STAG1: variants seen among roughly 807,000 people sequenced by gnomAD.
STAG1 encodes cohesin subunit SA-1.
A neutral mutation model predicts 170.9 loss-of-function variants in STAG1; 26 were observed. The observed-to-expected ratio is 0.15, with a 90% CI of 0.11 to 0.21. The LOEUF (loss-of-function observed/expected upper bound fraction) is 0.21, where lower values mean the gene tolerates loss of function less well. STAG1 is among the 10% of genes least tolerant of loss of function. The probability of loss-of-function intolerance (pLI) is 1.00; values close to 1 mark genes in which losing one functional copy is unlikely to be tolerated. For synonymous variants in STAG1, 514 were observed against 497.7 expected (o/e 1.03, Z -0.44); for missense variants, 964 against 1,509.5 (o/e 0.64, Z 5.99).
intron 5 of STAG1, among the ~76,000 whole-genome samples, chr3:136,557,565 T>G (rs973128237): frequency 6.6e-6 from 1 of 152,292 alleles, no homozygotes; most frequent in African/African-American, 2.4e-5. Context: ...TTTTTTGAGA[T>G]GGAGTCACAC....
At chr3:136,681,209 G>A (rs558778693) in intron 1 of STAG1, among the ~76,000 whole-genome samples, 1 of 152,224 alleles carries the variant, frequency 6.6e-6, no homozygotes, top group Non-Finnish European at 1.5e-5. Context: ...GATATGCAGG[G>A]CTGACTGTAC....
chr3:136,633,710 A>AAAG (rs1491192814), intron 1 of STAG1, among the ~76,000 whole-genome samples: 4 of 44,808 alleles, frequency 8.9e-5, no homozygotes, highest in Non-Finnish European at 1.2e-4. Flanking sequence ...TCAAAAAAAA[A>AAAG]GGGGGGGGGG....
chr3:136,387,748 ACCTGCTGACT>A (rs1194630736), intron 22 of STAG1, among the ~76,000 whole-genome samples: 4 of 152,176 alleles, frequency 2.6e-5, no homozygotes, highest in Non-Finnish European at 5.9e-5. Flanking sequence ...CTGAATCCCC[ACCTGCTGACT>A]CCTGCCATTG....
chr3:136,697,307 A>T (rs1320235426), intron 1 of STAG1, among the ~76,000 whole-genome samples: 1 of 152,202 alleles, frequency 6.6e-6, no homozygotes, highest in African/African-American at 2.4e-5. Flanking sequence ...GTCAGGGTAC[A>T]GTTCTCAAAG....
At chr3:136,553,368 C>T (rs750415255) in intron 5 of STAG1, among the ~76,000 whole-genome samples, 2 of 151,328 alleles carry the variant, frequency 1.3e-5, no homozygotes, top group African/African-American at 2.5e-5. Flanking sequence ...AAAGAGATAA[C>T]AATTAAGAAA....
intron 1 of STAG1, among the ~76,000 whole-genome samples, chr3:136,727,531 T>C (rs1188057427): frequency 1.3e-5 from 2 of 152,236 alleles, no homozygotes; most frequent in African/African-American, 4.8e-5. Flanking sequence ...AACAGATACT[T>C]GAGAAATGAC....
chr3:136,529,060 C>G (rs1003415051), intron 6 of STAG1, among the ~76,000 whole-genome samples: 2 of 151,968 alleles, frequency 1.3e-5, no homozygotes, highest in East Asian at 1.9e-4. Flanking sequence ...AAGACTGGAT[C>G]AAGCAGAAAA....
At chr3:136,661,994 GT>G (rs1559936565) in intron 1 of STAG1, among the ~76,000 whole-genome samples, 2 of 152,120 alleles carry the variant, frequency 1.3e-5, no homozygotes, top group Non-Finnish European at 2.9e-5. Flanking sequence ...CAAAGCAAAT[GT>G]AAGTAAATAT....
chr3:136,738,521 C>A (rs1423409496), intron 1 of STAG1, among the ~76,000 whole-genome samples: 1 of 151,938 alleles, frequency 6.6e-6, no homozygotes, highest in Non-Finnish European at 1.5e-5. Context: ...CACGGTGGCA[C>A]GCGCCTGAGG....
chr3:136,650,970 C>T (rs1044653757), intron 1 of STAG1, among the ~76,000 whole-genome samples: 1 of 151,090 alleles, frequency 6.6e-6, no homozygotes, highest in Non-Finnish European at 1.5e-5. Flanking sequence ...AAAGCACTCC[C>T]CACAGGGATA....
chr3:136,646,488 A>G (rs1396537040), intron 1 of STAG1, among the ~76,000 whole-genome samples: 23 of 152,152 alleles, frequency 1.5e-4, no homozygotes, highest in Admixed American at 1.5e-3. Flanking sequence ...CTCTCCCTCA[A>G]TCACTCTTTA....
At chr3:136,465,018 T>C in intron 12 of STAG1, 30 bp from the exon 13 acceptor site, 1 of 1,504,542 alleles carries the variant, frequency 6.6e-7, no homozygotes, top group Non-Finnish European at 9.1e-7. Context: ...ACATCTGATC[T>C]AAAGCAAATG....
At chr3:136,403,796 G>T (rs1044212609) in intron 21 of STAG1, among the ~76,000 whole-genome samples, 1 of 152,118 alleles carries the variant, frequency 6.6e-6, no homozygotes, top group East Asian at 1.9e-4. Flanking sequence ...TCTTGTCAGG[G>T]GTTATGAGGG....
chr3:136,468,317 A>G (rs551259137), intron 12 of STAG1, among the ~76,000 whole-genome samples: 52 of 152,324 alleles, frequency 3.4e-4, no homozygotes, highest in African/African-American at 1.1e-3. Context: ...AAAAAGGATA[A>G]AGGGGATATC....
chr3:136,630,913 T>A lies in STAG1; in HGVS notation c.-15A>T. 6.4e-7 allele frequency: 1 copy of A among 1,563,638 alleles called. No homozygotes were observed. The highest frequency in any genetic ancestry group is 8.7e-7 in the Non-Finnish European group (1 of 1,152,502). On this transcript the variant is annotated 5_prime_UTR_variant, in exon 2 of 34. In the 5' UTR this introduces an upstream ATG that the reference lacks. Coordinates refer to ENST00000383202, the MANE Select transcript of STAG1 (RefSeq NM_005862.3). Reference sequence around the variant, plus strand: ...GAAGTAATCATTGCTGGAGAGGTCCTTTCACAATGCAGCAAAATAATCAAG... The same window carrying A: ...GAAGTAATCATTGCTGGAGAGGTCCATTCACAATGCAGCAAAATAATCAAG...
intron 5 of STAG1, among the ~76,000 whole-genome samples, chr3:136,557,869 C>G (rs1936689916): frequency 6.6e-6 from 1 of 152,068 alleles, no homozygotes; most frequent in Admixed American, 6.6e-5. Context: ...ACAAAAAGCC[C>G]ATAAAAGAAA....
intron 1 of STAG1, among the ~76,000 whole-genome samples, chr3:136,631,367 G>A (rs1940322388): frequency 6.6e-6 from 1 of 152,230 alleles, no homozygotes; most frequent in South Asian, 2.1e-4. Flanking sequence ...AAACTATGGA[G>A]CCAGTAAAAG....
chr3:136,552,655 C>T (rs1395310593), intron 5 of STAG1, among the ~76,000 whole-genome samples: 1 of 152,180 alleles, frequency 6.6e-6, no homozygotes, highest in Non-Finnish European at 1.5e-5. Context: ...CAAAGGATTA[C>T]ATCTTCAGGT....
At chr3:136,464,587 T>C (rs933061519) in intron 13 of STAG1, among the ~76,000 whole-genome samples, 1 of 152,134 alleles carries the variant, frequency 6.6e-6, no homozygotes, top group Non-Finnish European at 1.5e-5. Context: ...GTGTGATGAA[T>C]TATCAATTAC....
Sources: gnomAD v4.1 joint callset for allele counts (sites outside exome capture counted in the v4.1 genomes callset) on GRCh38, gnomAD v4.1.1 for gene constraint, MANE v1.5 for transcripts, NCBI Gene and HGNC (gene_info 2026-07-23, HGNC 2026-07-21) for gene names.